Variants in KIRREL3 observed in about 807,000 individuals in gnomAD.
KIRREL3 encodes the protein kin of IRRE-like protein 3.
A neutral mutation model predicts 89.7 loss-of-function variants in KIRREL3; 36 were observed. That is an observed-to-expected ratio of 0.40 (90% CI 0.31 to 0.53). The LOEUF (loss-of-function observed/expected upper bound fraction) is 0.53. Ranked by LOEUF, KIRREL3 falls within the 20% of genes least tolerant of loss-of-function variation. KIRREL3 has a pLI of 0.49. For missense variants in KIRREL3, 864 were observed against 1,056.6 expected, an observed-to-expected ratio of 0.82 and a Z score of 2.53; for synonymous variants, 445 against 441.4, an observed-to-expected ratio of 1.01 and a Z score of -0.10.
rs937789403 is a variant in KIRREL3 at position 126,553,651 on chromosome 11, GTTC to G, written c.133+9181_133+9183del. Among the ~76,000 whole-genome samples, 1 of 152,168 alleles carries G rather than the reference GTTC, an allele frequency of 6.6e-6. No homozygotes were observed. The highest frequency in any genetic ancestry group is 1.5e-5 in the Non-Finnish European group (1 of 68,040). The stretch of plus-strand genomic sequence containing the variant: ...CGTCACCTTCTGAACCTTGAAGGGA[GTTC>G]TTCTGATGGGAACTGACTTGTTCTG... On this transcript the variant is annotated intron_variant, in intron 2 of 16. Transcript: ENST00000525144. This position sits in a 1 kb window ranked among gnomAD's most constrained non-coding sequence, Gnocchi z 4.7.
intron 4 of KIRREL3, among the ~76,000 whole-genome samples, chr11:126,497,205 TGTGAGTGTGTGAGAGTGA>T (rs1286853825): frequency 9.0e-5 from 9 of 99,702 alleles, no homozygotes; most frequent in Non-Finnish European, 1.4e-4. Context: ...TGTGTGTGAG[TGTGAGTGTGTGAGAGTGA>T]GTGTGTGTGA....
chr11:126,670,285 G>A (rs369895992), intron 1 of KIRREL3, among the ~76,000 whole-genome samples: 3 of 152,090 alleles, frequency 2.0e-5, no homozygotes, highest in African/African-American at 7.2e-5. Flanking sequence ...AAATAACTAG[G>A]AATTGAAGAG....
At chr11:126,854,047 G>T (rs1364536721) in intron 1 of KIRREL3, among the ~76,000 whole-genome samples, 1 of 151,224 alleles carries the variant, frequency 6.6e-6, no homozygotes, top group Admixed American at 6.6e-5. Context: ...AGTCTTGATT[G>T]TGGATCTTTT....
At chr11:126,836,326 T>G (rs1041668792) in intron 1 of KIRREL3, among the ~76,000 whole-genome samples, 2 of 152,178 alleles carry the variant, frequency 1.3e-5, no homozygotes, top group African/African-American at 4.8e-5. Context: ...ACAGGAAAAC[T>G]ACTCAATCTG....
At chr11:126,436,735 G>A (rs1186684812) in intron 12 of KIRREL3, 76 bp downstream of exon 12, 5 of 1,520,268 alleles carry the variant, frequency 3.3e-6, no homozygotes, top group Admixed American at 3.5e-5. Context: ...GCAGCCACCC[G>A]CGCCCTGACC....
chr11:126,744,738 T>C lies in KIRREL3; in HGVS notation c.56-181826A>G, dbSNP rs61897917. ...ACAGTACTCGTATTACTATTCTTTATAATGCTCATGCCAATGTCAATGTTT... is the reference window on the plus strand; with the variant it reads ...ACAGTACTCGTATTACTATTCTTTACAATGCTCATGCCAATGTCAATGTTT... On this transcript the variant is annotated intron_variant, in intron 1 of 16. Coordinates refer to ENST00000525144, the MANE Select transcript of KIRREL3 (RefSeq NM_032531.4). This position sits in a 1 kb window ranked among gnomAD's most constrained non-coding sequence, Gnocchi z 4.7. Among the ~76,000 whole-genome samples, 1 of 152,170 alleles carries C rather than the reference T, an allele frequency of 6.6e-6. No homozygotes were observed. The highest frequency in any genetic ancestry group is 1.5e-5 in the Non-Finnish European group (1 of 68,020).
intron 1 of KIRREL3, among the ~76,000 whole-genome samples, chr11:126,625,492 C>T (rs1375642813): frequency 6.6e-6 from 1 of 152,198 alleles, no homozygotes; most frequent in Non-Finnish European, 1.5e-5. Flanking sequence ...ATTCTCCATA[C>T]TGCTGCTTAC....
rs182456212 is a variant in KIRREL3 at position 126,551,624 on chromosome 11, C to T, written c.133+11211G>A. Among the ~76,000 whole-genome samples the T allele has an allele frequency of 1.0e-3, 152 of 151,812 alleles. 2 individuals are homozygous for T. Among genetic ancestry groups the T allele is most frequent in the African/African-American group, 3.6e-3 (148 of 41,318 alleles). On this transcript the variant is annotated intron_variant, in intron 2 of 16. Transcript: ENST00000525144. This position sits in a 1 kb window ranked among gnomAD's most constrained non-coding sequence, Gnocchi z 4.9. ...GTGCACTGTATTGCATGAATGTCTC[C>T]CAGGGTGAGGCCACTCAGGTTTGCA... is the stretch of plus-strand genomic sequence containing the variant.
chr11:126,874,508 G>A lies in KIRREL3; in HGVS notation c.55+125947C>T, dbSNP rs577899422. ...ACTCGGAAGAATTTTCAAAGTAAAT[G>A]TACTTTTCACCATTATCTCACTCAT... On this transcript the variant is annotated intron_variant, in intron 1 of 16. Transcript: ENST00000525144. Among the ~76,000 whole-genome samples the A allele has an allele frequency of 7.9e-5, 12 of 152,302 alleles. No individual in the cohort carries two copies. In the South Asian group the frequency reaches 1.0e-3, roughly 13 times the overall value.
chr11:126,938,874 A>G (rs1266689719), intron 1 of KIRREL3, among the ~76,000 whole-genome samples: 1 of 148,200 alleles, frequency 6.7e-6, no homozygotes, highest in Non-Finnish European at 1.5e-5. Flanking sequence ...GGTAACAATT[A>G]AAACACCAGT....
chr11:126,945,585 G>A (rs1349966255), intron 1 of KIRREL3, among the ~76,000 whole-genome samples: 1 of 152,114 alleles, frequency 6.6e-6, no homozygotes, highest in Non-Finnish European at 1.5e-5. Context: ...TGCCTTCAGG[G>A]GAAGCTGCAA....
At chr11:126,450,475 ATGT>A (rs1956014145) in intron 7 of KIRREL3, among the ~76,000 whole-genome samples, 3 of 128,464 alleles carry the variant, frequency 2.3e-5, no homozygotes, top group African/African-American at 6.2e-5. Context: ...GAATGTGTGC[ATGT>A]GTGTGGGTGT....
In KIRREL3 at chr11:126,627,723, C is replaced by A. The variant is rs1168834264; in HGVS notation, c.56-64811G>T. ...CAGAGAAGGGAGATGGCATTGGCGG[C>A]AGGAGGGAGGGAGAAGAATGTTCTT... is the stretch of plus-strand genomic sequence containing the variant. On this transcript the variant is annotated intron_variant, in intron 1 of 16. Transcript: ENST00000525144. The surrounding 1 kb of genome is among the most constrained non-coding windows in gnomAD (Gnocchi z 5.0). 6.6e-6 allele frequency among the ~76,000 whole-genome samples: 1 copy of A among 152,154 alleles called. No individual in the cohort carries two copies. The highest frequency in any genetic ancestry group is 1.5e-5 in the Non-Finnish European group (1 of 68,018).
At position 126,696,154 on chromosome 11, in the gene KIRREL3, G is replaced by T. The variant is rs777032166; in HGVS notation, c.56-133242C>A. Among the ~76,000 whole-genome samples the T allele has an allele frequency of 1.3e-5, 2 of 151,910 alleles. No individual in the cohort carries two copies. The highest frequency in any genetic ancestry group is 2.9e-5 in the Non-Finnish European group (2 of 67,982). The stretch of plus-strand genomic sequence containing the variant: ...TGCCTGTAGTCCCAGCTACTTGGGA[G>T]GCTGAGGTATGAGAATTGCTTGAAC... On this transcript the variant is annotated intron_variant, in intron 1 of 16. Transcript: ENST00000525144. The surrounding 1 kb of genome is among the most constrained non-coding windows in gnomAD (Gnocchi z 4.4).
intron 1 of KIRREL3, among the ~76,000 whole-genome samples, chr11:126,834,720 T>C (rs112540966): frequency 0.013 from 2,055 of 152,358 alleles, 48 homozygotes; most frequent in African/African-American, 0.047. Flanking sequence ...CCGGCGCACC[T>C]CATGCTGGAC....
At chr11:126,646,471 G>C (rs1396690019) in intron 1 of KIRREL3, among the ~76,000 whole-genome samples, 3 of 123,246 alleles carry the variant, frequency 2.4e-5, no homozygotes, top group Non-Finnish European at 3.5e-5. Flanking sequence ...TGTGCCCCAA[G>C]TATTTTTTTT....
At position 126,474,343 on chromosome 11, in the gene KIRREL3, C is replaced by T. The variant is rs1233116476; in HGVS notation, c.434-877G>A. ...GGTCAACATTACCACCCCAATGACA[C>T]AGATCCGGAAGCCGAGTTCCAGCAA... On this transcript the variant is annotated intron_variant, in intron 4 of 16. Coordinates refer to ENST00000525144, the MANE Select transcript of KIRREL3 (RefSeq NM_032531.4). The surrounding 1 kb of genome is among the most constrained non-coding windows in gnomAD (Gnocchi z 6.7). 1.3e-5 allele frequency among the ~76,000 whole-genome samples: 2 copies of T among 152,210 alleles called. No homozygotes were observed. Among genetic ancestry groups the T allele is most frequent in the Non-Finnish European group, 2.9e-5 (2 of 68,032 alleles).
chr11:126,838,052 CA>C (rs1240471261), intron 1 of KIRREL3, among the ~76,000 whole-genome samples: 3 of 152,030 alleles, frequency 2.0e-5, no homozygotes, highest in Admixed American at 6.6e-5. Flanking sequence ...ATAATAATAA[CA>C]AAAAATCTCC....
intron 1 of KIRREL3, among the ~76,000 whole-genome samples, chr11:126,815,603 G>A (rs113326713): frequency 1.3e-5 from 2 of 151,970 alleles, no homozygotes; most frequent in African/African-American, 2.4e-5. Flanking sequence ...GCGCGATCTC[G>A]GCTCACTGCA....
Sources: gnomAD v4.1 joint callset for allele counts (sites outside exome capture counted in the v4.1 genomes callset) on GRCh38, gnomAD v4.1.1 for gene constraint, Gnocchi (gnomAD v3.1) non-coding constraint, MANE v1.5 for transcripts, NCBI Gene and HGNC (gene_info 2026-07-23, HGNC 2026-07-21) for gene names.